SMCHD1: variants seen among roughly 807,000 people sequenced by gnomAD.
SMCHD1 encodes structural maintenance of chromosomes flexible hinge domain-containing protein 1.
In SMCHD1, 78 loss-of-function variants were observed where a neutral mutation model predicts 254.7. That is an observed-to-expected ratio of 0.31 (90% confidence interval 0.26 to 0.37). The LOEUF is 0.37. Among genes scored for constraint, SMCHD1 ranks in the 10% least tolerant of loss-of-function variants. SMCHD1 has a pLI of 1.00. For synonymous variants in SMCHD1, 766 were observed against 794.9 expected (o/e 0.96, Z 0.61); for missense variants, 1,840 against 2,408.1 (o/e 0.76, Z 4.94).
At chr18:2,764,708 T>A (rs933204836) in intron 37 of SMCHD1, among the ~76,000 whole-genome samples, 1 of 152,186 alleles carries the variant, frequency 6.6e-6, no homozygotes. Context: ...AATCTAGGGA[T>A]GATTCAAAGT....
chr18:2,777,986 ATAATGAAAATTTATATTCTTATTTTGCT>A, intron 43 of SMCHD1, 71 bp downstream of exon 43: 1 of 1,094,434 alleles, frequency 9.1e-7, no homozygotes, highest in Non-Finnish European at 1.3e-6. Flanking sequence ...TAAATTACTG[ATAATGAAAATTTATATTCTTATTTTGCT>A]TATCAGTCAT....
intron 45 of SMCHD1, among the ~76,000 whole-genome samples, chr18:2,792,611 C>T (rs1193248126): frequency 6.6e-6 from 1 of 152,140 alleles, no homozygotes; most frequent in Non-Finnish European, 1.5e-5. Flanking sequence ...ATCATGACAT[C>T]ATCAAAAGTA....
At chr18:2,676,457 T>C (rs1158676044) in intron 5 of SMCHD1, among the ~76,000 whole-genome samples, 1 of 152,146 alleles carries the variant, frequency 6.6e-6, no homozygotes, top group Non-Finnish European at 1.5e-5. Flanking sequence ...CTGTGAGAAG[T>C]GTGTTTCAGG....
chr18:2,793,344 A>AT (rs1469576851), intron 45 of SMCHD1, among the ~76,000 whole-genome samples: 1 of 152,200 alleles, frequency 6.6e-6, no homozygotes, highest in African/African-American at 2.4e-5. Context: ...TACATACAAA[A>AT]TAAGTATTAT....
intron 8 of SMCHD1, among the ~76,000 whole-genome samples, chr18:2,695,792 G>A (rs1437852422): frequency 3.3e-5 from 5 of 151,996 alleles, no homozygotes; most frequent in Admixed American, 6.5e-5. Flanking sequence ...AATTTTATAC[G>A]TAATTATACG....
chr18:2,696,848 G>A (rs1426523931), intron 8 of SMCHD1, among the ~76,000 whole-genome samples, 184 bp from the exon 9 acceptor site: 3 of 152,098 alleles, frequency 2.0e-5, no homozygotes, highest in Non-Finnish European at 4.4e-5. Context: ...TTCTATATCT[G>A]TAAAATGAGA....
chr18:2,771,174 C>G (rs1436738918), intron 39 of SMCHD1, among the ~76,000 whole-genome samples: 3 of 152,104 alleles, frequency 2.0e-5, no homozygotes, highest in Non-Finnish European at 4.4e-5. Flanking sequence ...GAGATAATGT[C>G]ATTTGTGTAG....
At chr18:2,751,791 A>G (rs2075578123) in intron 33 of SMCHD1, among the ~76,000 whole-genome samples, 1 of 152,134 alleles carries the variant, frequency 6.6e-6, no homozygotes, top group Admixed American at 6.5e-5. Context: ...CAGTGGAAAG[A>G]TCATACCTGG....
chr18:2,706,709 G>T, intron 15 of SMCHD1: 1 of 367,358 alleles, frequency 2.7e-6, no homozygotes, highest in South Asian at 3.9e-5. Context: ...CACTTTTATA[G>T]GCACTATGAT....
Position 2,673,261 on chromosome 18 carries a change from G to A in SMCHD1, c.425-20G>A, listed in dbSNP as rs887898219. 6.4e-7 allele frequency: 1 copy of A among 1,569,902 alleles called. No homozygotes were observed. The highest frequency in any genetic ancestry group is 1.4e-5 in the African/African-American group (1 of 73,630). ...ATGTGGGAGGGAAAAGTTAAGCAAT[G>A]TTTTCTTGATCTCTTGCAGCATTTG... On this transcript the variant is annotated intron_variant, in intron 3 of 47. Coordinates refer to ENST00000320876, the MANE Select transcript of SMCHD1 (RefSeq NM_015295.3).
In SMCHD1 at chr18:2,720,146, A is replaced by G. The variant is rs77113882; in HGVS notation, c.2458+1712A>G. ...CCAACCTGTTCTTTCTTTCTAAAATATCTAATGTTAGGATGTTGGATTTCA... is the reference window on the plus strand; with the variant it reads ...CCAACCTGTTCTTTCTTTCTAAAATGTCTAATGTTAGGATGTTGGATTTCA... On this transcript the variant is annotated intron_variant, in intron 19 of 47. Coordinates refer to ENST00000320876, the MANE Select transcript of SMCHD1 (RefSeq NM_015295.3). Among the ~76,000 whole-genome samples, 769 of 152,206 alleles carry G rather than the reference A, an allele frequency of 5.1e-3. 4 individuals carry two copies. The highest frequency in any genetic ancestry group is 0.017 in the African/African-American group (697 of 41,524).
chr18:2,776,024 CAG>C (rs2076060003), intron 42 of SMCHD1, 100 bp downstream of exon 42: 6 of 1,054,212 alleles, frequency 5.7e-6, no homozygotes, highest in Non-Finnish European at 6.7e-6. Context: ...ATACCTAAAA[CAG>C]AGAATTGACT....
intron 17 of SMCHD1, among the ~76,000 whole-genome samples, chr18:2,714,377 T>A (rs567056670): frequency 6.6e-6 from 1 of 152,186 alleles, no homozygotes; most frequent in Non-Finnish European, 1.5e-5. Flanking sequence ...ATGAGTAATA[T>A]GAGTTTATTG....
intron 29 of SMCHD1, 31 bp from the exon 30 acceptor site, chr18:2,747,491 G>A (rs2075477477): frequency 6.4e-7 from 1 of 1,554,776 alleles, no homozygotes; most frequent in African/African-American, 1.4e-5. Flanking sequence ...ATATATTTTA[G>A]TGTTTCTTAA....
rs637651 is a variant in SMCHD1 at position 2,688,800 on chromosome 18, G to A, written c.873+53G>A. On this transcript the variant is annotated intron_variant, in intron 7 of 47. Transcript: ENST00000320876. ...AAATTTACTCCTTTGGATAGACGGTGGGACAGAACTTAACTTGAAAGTATG... is the reference window on the plus strand; with the variant it reads ...AAATTTACTCCTTTGGATAGACGGTAGGACAGAACTTAACTTGAAAGTATG... 0.93 allele frequency: 992,105 copies of A among 1,069,930 alleles called. 467,170 individuals carry two copies. Among genetic ancestry groups the A allele is most frequent in the East Asian group, 1 (37,695 of 37,700 alleles). The allele number at this position is 1,069,930 out of a possible 1,614,324, so 66.3% of individuals were successfully genotyped here. A position where few individuals can be genotyped will look rare whatever the true frequency, so the allele number is the denominator to read the frequency against.
chr18:2,771,348 G>C (rs1204572120), intron 39 of SMCHD1, among the ~76,000 whole-genome samples, 185 bp from the exon 40 acceptor site: 1 of 151,992 alleles, frequency 6.6e-6, no homozygotes, highest in Non-Finnish European at 1.5e-5. Flanking sequence ...TCTCATTTTT[G>C]TATATCAGAA....
intron 21 of SMCHD1, 31 bp from the exon 22 acceptor site, chr18:2,726,420 TG>T: frequency 8.0e-7 from 1 of 1,244,784 alleles, no homozygotes; most frequent in South Asian, 1.5e-5. Flanking sequence ...TATTCAGGAC[TG>T]GGTTTAATTT....
In SMCHD1 at chr18:2,707,459, A is replaced by G. The variant is rs2074544628; in HGVS notation, c.2064-104A>G. 6.2e-6 allele frequency: 4 copies of G among 646,040 alleles called. No homozygotes were observed. In the Admixed American group the frequency reaches 1.3e-4, roughly 21 times the overall value. The allele number at this position is 646,040 out of a possible 1,614,324, so 40.0% of individuals were successfully genotyped here. Reference sequence around the variant, plus strand: ...AGAATTCCAGATTTAACCTTTTAAAATATATCAGCAATAAATATTTAAGTT... The same window carrying G: ...AGAATTCCAGATTTAACCTTTTAAAGTATATCAGCAATAAATATTTAAGTT... On this transcript the variant is annotated intron_variant, in intron 15 of 47. Coordinates refer to ENST00000320876, the MANE Select transcript of SMCHD1 (RefSeq NM_015295.3).
At chr18:2,676,941 A>G (rs2073763823) in intron 5 of SMCHD1, among the ~76,000 whole-genome samples, 1 of 152,176 alleles carries the variant, frequency 6.6e-6, no homozygotes, top group African/African-American at 2.4e-5. Flanking sequence ...TAATGCAACA[A>G]TATTTAACAT....
Sources: allele counts gnomAD v4.1 joint callset (sites outside exome capture counted in the v4.1 genomes callset), GRCh38; gene constraint gnomAD v4.1.1; transcripts MANE v1.5; gene names NCBI Gene and HGNC (gene_info 2026-07-23, HGNC 2026-07-21).